The following SNPH variants were observed in gnomAD, a reference collection of about 807,000 sequenced individuals.
SNPH encodes syntaphilin.
In SNPH, 10 loss-of-function variants were observed where a neutral mutation model predicts 36.8. The ratio of observed to expected loss-of-function variants is 0.27; its 90% CI spans 0.17 to 0.46. SNPH has a LOEUF of 0.46. SNPH is among the 20% of genes least tolerant of loss of function. The pLI, the probability that SNPH is intolerant of heterozygous loss-of-function variation, is 1.00. For missense variants in SNPH, 622 were observed against 744.0 expected, an observed-to-expected ratio of 0.84 and a Z score of 1.91; for synonymous variants, 281 against 312.2, an observed-to-expected ratio of 0.90 and a Z score of 1.05.
At chr20:1,281,005 G>A (rs922006229) in intron 2 of SNPH, among the ~76,000 whole-genome samples, 2 of 152,150 alleles carry the variant, frequency 1.3e-5, no homozygotes, top group Non-Finnish European at 1.5e-5. Flanking sequence ...TGGGTGGAGT[G>A]GGGGGTGTGT....
intron 2 of SNPH, among the ~76,000 whole-genome samples, chr20:1,281,851 A>C (rs920782282): frequency 3.9e-5 from 6 of 152,268 alleles, no homozygotes; most frequent in African/African-American, 1.4e-4. Context: ...ACAGATAGGA[A>C]ATGCTGTAAT....
At chr20:1,303,497 C>T (rs942161515) in intron 6 of SNPH, among the ~76,000 whole-genome samples, 2 of 151,602 alleles carry the variant, frequency 1.3e-5, no homozygotes, top group East Asian at 3.9e-4. Flanking sequence ...CTAGAGTGGG[C>T]CCCCCACCTG....
chr20:1,267,542 TA>T (rs1182557339), intron 2 of SNPH, among the ~76,000 whole-genome samples: 2 of 152,204 alleles, frequency 1.3e-5, no homozygotes, highest in African/African-American at 4.8e-5. Context: ...TCTAGGCCCT[TA>T]ACTTGCTAGT....
rs1256863243 is a variant in SNPH, at chr20:1,298,065, G to A, written c.290+813G>A. Among the ~76,000 whole-genome samples, 7 of 152,328 alleles carry A rather than the reference G, an allele frequency of 4.6e-5. No individual in the cohort carries two copies. In the East Asian group the frequency reaches 1.4e-3, roughly 29 times the overall value. On this transcript the variant is annotated intron_variant, in intron 5 of 6. Coordinates refer to ENST00000381867, the MANE Select transcript of SNPH (RefSeq NM_001318234.2). ...GGTCCTTGAAGACCAGGAAGGAAGA[G>A]CTGTCATGGTAGGCCTTGTCCTGCT...
At chr20:1,267,692 C>A (rs1317479408) in intron 2 of SNPH, among the ~76,000 whole-genome samples, 1 of 152,222 alleles carries the variant, frequency 6.6e-6, no homozygotes, top group Non-Finnish European at 1.5e-5. Flanking sequence ...GGGGACCCCT[C>A]TGCTAAGGCA....
At position 1,266,890 on chromosome 20, in the gene SNPH, A is replaced by G. The variant is rs962487449; in HGVS notation, c.-493+130A>G. 6 of 1,200,608 alleles carry G rather than the reference A, an allele frequency of 5.0e-6. No individual in the cohort carries two copies. Among genetic ancestry groups the G allele is most frequent in the Non-Finnish European group, 6.3e-6 (6 of 952,776 alleles). 74.4% of individuals were successfully genotyped at this position (1,200,608 alleles called of 1,614,324 possible). ...GCCTAAGAGGGGTTAATCGTGACTC[A>G]TTCTTACCCTCCCTTCATTCCCCTA... On this transcript the variant is annotated intron_variant, in intron 2 of 6. Transcript: ENST00000381867. This position sits in a 1 kb window ranked among gnomAD's most constrained non-coding sequence, Gnocchi z 6.0.
rs902431182 is a variant in SNPH, at chr20:1,286,355, C to T, written c.-492-8596C>T. On this transcript the variant is annotated intron_variant, in intron 2 of 6. Coordinates refer to ENST00000381867, the MANE Select transcript of SNPH (RefSeq NM_001318234.2). ...ATTCAGCATGGCATGGGAAGTACCA[C>T]GGGGAATCAGGTGGACAGGGATCAG... 7.9e-5 allele frequency among the ~76,000 whole-genome samples: 12 copies of T among 152,208 alleles called. No homozygotes were observed. The East Asian group carries it at 1.4e-3, about 17-fold the overall frequency.
intron 2 of SNPH, among the ~76,000 whole-genome samples, chr20:1,274,832 T>C (rs1176122666): frequency 6.6e-6 from 1 of 152,156 alleles, no homozygotes; most frequent in African/African-American, 2.4e-5. Flanking sequence ...TCCTGGGTCC[T>C]GCGTCTTTCC....
At chr20:1,287,591 A>G (rs1392028184) in intron 2 of SNPH, among the ~76,000 whole-genome samples, 2 of 152,178 alleles carry the variant, frequency 1.3e-5, no homozygotes, top group East Asian at 3.9e-4. Flanking sequence ...GATGAGGTCT[A>G]CTCCAGATCC....
intron 2 of SNPH, among the ~76,000 whole-genome samples, chr20:1,269,491 G>A (rs184786888): frequency 6.6e-6 from 1 of 152,280 alleles, no homozygotes; most frequent in Non-Finnish European, 1.5e-5. Context: ...TGTCTGCATC[G>A]TCCCCTTCCA....
At chr20:1,287,607 A>G (rs2088299012) in intron 2 of SNPH, among the ~76,000 whole-genome samples, 1 of 152,066 alleles carries the variant, frequency 6.6e-6, no homozygotes, top group Non-Finnish European at 1.5e-5. Flanking sequence ...GATCCTTTCC[A>G]TTCTGATTCT....
intron 2 of SNPH, among the ~76,000 whole-genome samples, chr20:1,283,577 G>A (rs1367633286): frequency 6.6e-6 from 1 of 152,080 alleles, no homozygotes. Context: ...CAGAAAACAT[G>A]GATTTTAAAA....
intron 2 of SNPH, among the ~76,000 whole-genome samples, chr20:1,277,471 GTGTC>G (rs144070827): frequency 0.025 from 3,817 of 151,166 alleles, 70 homozygotes; most frequent in South Asian, 0.11. Context: ...GCCTGTGTGT[GTGTC>G]TGTCTGTGCC....
In SNPH at chr20:1,294,029, C is replaced by T. The variant is rs2088396644; in HGVS notation, c.-492-922C>T. ...CCATCCTCAGATCTGAGTCCTGCCT[C>T]TGCTGGAAAGTCCTCCTGAAGGCTC... On this transcript the variant is annotated intron_variant, in intron 2 of 6. Transcript: ENST00000381867. This position sits in a 1 kb window ranked among gnomAD's most constrained non-coding sequence, Gnocchi z 4.4. 6.6e-6 allele frequency among the ~76,000 whole-genome samples: 1 copy of T among 152,220 alleles called. No homozygotes were observed. The highest frequency in any genetic ancestry group is 6.5e-5 in the Admixed American group (1 of 15,290).
In SNPH at chr20:1,297,149, A is replaced by T. The variant is rs1297624111; in HGVS notation, c.187A>T (p.Thr63Ser). 1 of 1,611,886 alleles carries T rather than the reference A, an allele frequency of 6.2e-7. No homozygotes were observed. The highest frequency in any genetic ancestry group is 2.2e-5 in the East Asian group (1 of 44,792). The change falls in exon 5 of 7, where the codon ACC becomes TCC. Residue 63 changes from threonine to serine, a missense_variant. Thr to Ser is a moderately conservative substitution (Grantham distance 58). This residue lies in a region of SNPH where 187 missense variants were observed against 209.4 expected (regional missense o/e 0.89). Transcript: ENST00000381867. Reference sequence around the variant, plus strand: ...GCCTCTTCTTCCTGCCTCCAGGCGCACCTCTCCACCTGTGAGCGTGCGGGA... The same window carrying T: ...GCCTCTTCTTCCTGCCTCCAGGCGCTCCTCTCCACCTGTGAGCGTGCGGGA... ...RRTSAGSRRR[T>S]SPPVSVRDAY... is the part of the protein sequence containing the mutation.
intron 5 of SNPH, among the ~76,000 whole-genome samples, chr20:1,298,697 C>T (rs1419788445): frequency 6.6e-6 from 1 of 152,100 alleles, no homozygotes; most frequent in Non-Finnish European, 1.5e-5. Context: ...GGGTTGCTGC[C>T]CCTGGGTGAG....
intron 2 of SNPH, among the ~76,000 whole-genome samples, chr20:1,287,851 A>T (rs1327947929): frequency 6.6e-6 from 1 of 152,204 alleles, no homozygotes; most frequent in Non-Finnish European, 1.5e-5. Flanking sequence ...TCAGTCAGGA[A>T]GCCCAGGGAA....
In SNPH at chr20:1,307,995, C is replaced by T. The variant is rs1397869841; in HGVS notation, c.*1941C>T. Reference sequence around the variant, plus strand: ...CACGGAGCTGCGTAGTCTCCTCAGACATAGTCAAAGCTTTGCCGAGAAAAG... The same window carrying T: ...CACGGAGCTGCGTAGTCTCCTCAGATATAGTCAAAGCTTTGCCGAGAAAAG... On this transcript the variant is annotated 3_prime_UTR_variant, in exon 7 of 7. Coordinates refer to ENST00000381867, the MANE Select transcript of SNPH (RefSeq NM_001318234.2). 6.5e-6 allele frequency: 1 copy of T among 152,724 alleles called. No individual in the cohort carries two copies. Among genetic ancestry groups the T allele is most frequent in the East Asian group, 1.9e-4 (1 of 5,208 alleles). The allele number at this position is 152,724 out of a possible 1,614,324, so 9.5% of individuals were successfully genotyped here.
In SNPH at chr20:1,266,558, A is replaced by C. The variant is rs2088006405; in HGVS notation, c.-599-96A>C. On this transcript the variant is annotated intron_variant, in intron 1 of 6. Transcript: ENST00000381867. This position sits in a 1 kb window ranked among gnomAD's most constrained non-coding sequence, Gnocchi z 6.0. ...CCTGCCCTCCAAGCCTTCTGGCTGCAGCGGCCCAGCTGTCAGCGGCCGGGG... is the reference window on the plus strand; with the variant it reads ...CCTGCCCTCCAAGCCTTCTGGCTGCCGCGGCCCAGCTGTCAGCGGCCGGGG... 1 of 1,377,040 alleles carries C rather than the reference A, an allele frequency of 7.3e-7. No individual in the cohort carries two copies. Among genetic ancestry groups the C allele is most frequent in the Non-Finnish European group, 9.4e-7 (1 of 1,067,784 alleles). 85.3% of individuals were successfully genotyped at this position (1,377,040 alleles called of 1,614,324 possible). A position where few individuals can be genotyped will look rare whatever the true frequency, so the allele number is the denominator to read the frequency against.
Sources: gnomAD v4.1 joint callset for allele counts (sites outside exome capture counted in the v4.1 genomes callset) on GRCh38, gnomAD v4.1.1 for gene constraint, gnomAD v4.1.1 regional missense constraint, Gnocchi (gnomAD v3.1) non-coding constraint, MANE v1.5 for transcripts, NCBI Gene and HGNC (gene_info 2026-07-23, HGNC 2026-07-21) for gene names.